Variants in CACNG2 observed in about 807,000 individuals in gnomAD.
CACNG2 encodes voltage-dependent calcium channel gamma-2 subunit.
CACNG2 carries 3 observed loss-of-function variants against 25.9 expected under a neutral mutation model. That is an observed-to-expected ratio of 0.12 (90% CI 0.05 to 0.30). The LOEUF is 0.30. Ranked by LOEUF, CACNG2 falls within the 10% of genes least tolerant of loss-of-function variation. The pLI, the probability that CACNG2 is intolerant of heterozygous loss-of-function variation, is 1.00. For synonymous variants in CACNG2, 167 were observed against 173.3 expected (o/e 0.96, Z 0.29); for missense variants, 341 against 432.5 (o/e 0.79, Z 1.88).
Position 36,641,509 on chromosome 22 carries a change from G to A in CACNG2, c.212-53961C>T, listed in dbSNP as rs150124847. Among the ~76,000 whole-genome samples the A allele has an allele frequency of 1.8e-3, 280 of 152,222 alleles. 2 individuals carry two copies. The highest frequency in any genetic ancestry group is 5.9e-3 in the African/African-American group (246 of 41,516). On this transcript the variant is annotated intron_variant, in intron 1 of 3. Transcript: ENST00000300105. The stretch of plus-strand genomic sequence containing the variant: ...CACAAATACCCTTGGGAGGGGCAAC[G>A]CATTGACTTTAATTCACACCGGATT...
At chr22:36,701,993 A>G (rs1210082686) in intron 1 of CACNG2, among the ~76,000 whole-genome samples, 1 of 152,156 alleles carries the variant, frequency 6.6e-6, no homozygotes, top group Non-Finnish European at 1.5e-5. Flanking sequence ...AACAGCATAC[A>G]CAGAAGCAAT....
rs559357158 is a variant in CACNG2 at position 36,691,301 on chromosome 22, A to T, written c.211+11065T>A. ...GTGGCTGGGAAAGGGGCCTTTGGGC[A>T]GAAGGCAGGGGGAGAGGGAGTATCT... On this transcript the variant is annotated intron_variant, in intron 1 of 3. Coordinates refer to ENST00000300105, the MANE Select transcript of CACNG2 (RefSeq NM_006078.5). Among the ~76,000 whole-genome samples the T allele has an allele frequency of 3.4e-4, 6 of 17,466 alleles. No homozygotes were observed. In the South Asian group the frequency reaches 0.037, roughly 109 times the overall value. 11.5% of individuals were successfully genotyped at this position (17,466 alleles called of 152,430 possible). A position where few individuals can be genotyped will look rare whatever the true frequency, so the allele number is the denominator to read the frequency against.
At chr22:36,592,838 C>T (rs1461575377) in intron 1 of CACNG2, among the ~76,000 whole-genome samples, 1 of 152,140 alleles carries the variant, frequency 6.6e-6, no homozygotes, top group Non-Finnish European at 1.5e-5. Flanking sequence ...ACTAGAGGAC[C>T]TCTCTGTGCC....
At position 36,564,912 on chromosome 22, in the gene CACNG2, G is replaced by C. The variant is rs750271874; in HGVS notation, c.437-26C>G. On this transcript the variant is annotated intron_variant, in intron 3 of 3. Transcript: ENST00000300105. This position sits in a 1 kb window ranked among gnomAD's most constrained non-coding sequence, Gnocchi z 6.7. The stretch of plus-strand genomic sequence containing the variant: ...CTGCGGGGCGCAGGGTGGCGGGGTG[G>C]GGGATCAGAGAGAAGGACGTTAGTT... 9.4e-6 allele frequency: 15 copies of C among 1,600,112 alleles called. No individual in the cohort carries two copies. Among genetic ancestry groups the C allele is most frequent in the Admixed American group, 1.7e-5 (1 of 60,002 alleles).
intron 1 of CACNG2, among the ~76,000 whole-genome samples, chr22:36,698,507 T>C (rs1031549354): frequency 1.3e-5 from 2 of 152,164 alleles, no homozygotes; most frequent in Non-Finnish European, 2.9e-5. Flanking sequence ...GAGCCATGGC[T>C]GAGCCGAGCG....
At chr22:36,590,239 AGCAGGGTTCAG>A (rs1935567985) in intron 1 of CACNG2, among the ~76,000 whole-genome samples, 2 of 152,200 alleles carry the variant, frequency 1.3e-5, no homozygotes, top group African/African-American at 4.8e-5. Flanking sequence ...CTGGCACAGA[AGCAGGGTTCAG>A]GAGATGCTAA....
rs748221864 is a variant in CACNG2 at position 36,564,525 on chromosome 22, C to T, written c.798G>A (p.Thr266=). The stretch of plus-strand genomic sequence containing the variant: ...TGCTGAGCGTGTACATGGAGATCTC[C>T]GTGGACGGCAGGGTGTTGAAGCCCT... The part of the protein sequence containing the change: ...GIKGFNTLPS[T]EISMYTLSRD... Residue 266 remains threonine, a synonymous_variant, in exon 4 of 4, where the codon ACG becomes ACA. Transcript: ENST00000300105. This position sits in a 1 kb window ranked among gnomAD's most constrained non-coding sequence, Gnocchi z 6.7. 1.2e-6 allele frequency: 2 copies of T among 1,614,056 alleles called. No homozygotes were observed. Among genetic ancestry groups the T allele is most frequent in the Admixed American group, 3.3e-5 (2 of 60,026 alleles).
chr22:36,592,607 A>C (rs2283985), intron 1 of CACNG2, among the ~76,000 whole-genome samples: 1 of 152,140 alleles, frequency 6.6e-6, no homozygotes, highest in Non-Finnish European at 1.5e-5. Context: ...CAAATGATTC[A>C]TCAAATTATT....
At chr22:36,683,944 C>T (rs552174219) in intron 1 of CACNG2, among the ~76,000 whole-genome samples, 7 of 152,308 alleles carry the variant, frequency 4.6e-5, no homozygotes, top group South Asian at 2.1e-4. Context: ...GTGCTCCCGA[C>T]GCCTCAGAAA....
intron 1 of CACNG2, among the ~76,000 whole-genome samples, chr22:36,677,173 C>A (rs1055900736): frequency 6.6e-6 from 1 of 152,142 alleles, no homozygotes; most frequent in African/African-American, 2.4e-5. Context: ...GAACGACTCC[C>A]TTTTTGTCCC....
chr22:36,619,112 C>T (rs568006416), intron 1 of CACNG2, among the ~76,000 whole-genome samples: 2 of 152,032 alleles, frequency 1.3e-5, no homozygotes, highest in Non-Finnish European at 2.9e-5. Context: ...ATGAGGAAAC[C>T]GAGACCCAGA....
chr22:36,675,149 G>C (rs1197752471), intron 1 of CACNG2, among the ~76,000 whole-genome samples: 1 of 152,134 alleles, frequency 6.6e-6, no homozygotes, highest in Non-Finnish European at 1.5e-5. Context: ...TGATCCTCCT[G>C]CCTCAACTTT....
At chr22:36,633,807 A>G (rs1440501370) in intron 1 of CACNG2, among the ~76,000 whole-genome samples, 2 of 152,254 alleles carry the variant, frequency 1.3e-5, no homozygotes. Context: ...GACTTGTTAA[A>G]GCAGCAAGCC....
chr22:36,626,957 A>G (rs1331681459), intron 1 of CACNG2, among the ~76,000 whole-genome samples: 2 of 152,236 alleles, frequency 1.3e-5, no homozygotes, highest in Non-Finnish European at 2.9e-5. Flanking sequence ...CATTTTATAG[A>G]AGAGGAAACT....
intron 1 of CACNG2, among the ~76,000 whole-genome samples, chr22:36,647,596 C>A (rs938393821): frequency 2.7e-5 from 4 of 149,330 alleles, no homozygotes; most frequent in Non-Finnish European, 4.5e-5. Context: ...AACTCCATAT[C>A]AAAAAAAAAA....
At chr22:36,631,902 G>A (rs931456591) in intron 1 of CACNG2, among the ~76,000 whole-genome samples, 3 of 151,972 alleles carry the variant, frequency 2.0e-5, no homozygotes, top group Non-Finnish European at 2.9e-5. Flanking sequence ...AGTCTGAGGT[G>A]GAAAAAGGAC....
At chr22:36,695,782 T>C (rs1353278413) in intron 1 of CACNG2, among the ~76,000 whole-genome samples, 1 of 152,100 alleles carries the variant, frequency 6.6e-6, no homozygotes, top group Non-Finnish European at 1.5e-5. Flanking sequence ...ATTATGTGAA[T>C]TGGGATTCAA....
chr22:36,604,526 G>A (rs1321454627), intron 1 of CACNG2, among the ~76,000 whole-genome samples: 1 of 152,150 alleles, frequency 6.6e-6, no homozygotes, highest in Non-Finnish European at 1.5e-5. Context: ...ATCAATTGAT[G>A]TGGCAAACTA....
rs550254668 is a variant in CACNG2 at position 36,643,014 on chromosome 22, TC to T, written c.212-55467del. On this transcript the variant is annotated intron_variant, in intron 1 of 3. Transcript: ENST00000300105. Reference sequence around the variant, plus strand: ...TTTCCTTCCTTCCTCTCTCCCTCCCTCCCTTCTTCCCTCCCTCCCTCCCTTT... The same window carrying T: ...TTTCCTTCCTTCCTCTCTCCCTCCCTCCTTCTTCCCTCCCTCCCTCCCTTT... Among the ~76,000 whole-genome samples the T allele has an allele frequency of 1.2e-3, 181 of 147,886 alleles. 1 individual carries two copies. Among genetic ancestry groups the T allele is most frequent in the African/African-American group, 4.3e-3 (176 of 40,534 alleles).
Sources: gnomAD v4.1 joint callset for allele counts (sites outside exome capture counted in the v4.1 genomes callset) on GRCh38, gnomAD v4.1.1 for gene constraint, Gnocchi (gnomAD v3.1) non-coding constraint, MANE v1.5 for transcripts, NCBI Gene and HGNC (gene_info 2026-07-23, HGNC 2026-07-21) for gene names.